The following CC2D2B variants were observed in gnomAD, a reference collection of about 807,000 sequenced individuals.
The protein encoded by CC2D2B is coiled-coil and C2 domain containing 2B.
A neutral mutation model predicts 161.2 loss-of-function variants in CC2D2B; 128 were observed. The observed-to-expected ratio is 0.79, with a 90% CI of 0.69 to 0.92. The LOEUF is 0.92. Ranked by LOEUF, CC2D2B falls within the 40% of genes least tolerant of loss-of-function variation. CC2D2B has a pLI of 0.00. For synonymous variants in CC2D2B, 391 were observed against 449.8 expected (o/e 0.87, Z 1.65); for missense variants, 1,173 against 1,375.1 (o/e 0.85, Z 2.32).
At chr10:96,002,203 G>C (rs1219043628) in intron 24 of CC2D2B, among the ~76,000 whole-genome samples, 2 of 152,008 alleles carry the variant, frequency 1.3e-5, no homozygotes. Flanking sequence ...AGTGAAATAG[G>C]CCAAGAACAA....
chr10:95,971,581 GTTTA>G (rs2077134243), intron 15 of CC2D2B, among the ~76,000 whole-genome samples: 1 of 151,904 alleles, frequency 6.6e-6, no homozygotes, highest in Non-Finnish European at 1.5e-5. Context: ...CCCATAGCTT[GTTTA>G]ACTCATCCTT....
chr10:95,924,904 T>A, intron 5 of CC2D2B, 60 bp downstream of exon 5: 1 of 1,037,080 alleles, frequency 9.6e-7, no homozygotes, highest in Non-Finnish European at 1.5e-6. Flanking sequence ...ATAGTTTACA[T>A]AGCAAAACTT....
intron 16 of CC2D2B, among the ~76,000 whole-genome samples, chr10:95,972,470 C>T (rs117538075): frequency 0.019 from 2,835 of 152,192 alleles, 36 homozygotes; most frequent in Middle Eastern, 0.054. Context: ...CCTGCCACCA[C>T]GCCCATCTAA....
At chr10:95,925,891 G>A (rs2098537487) in intron 5 of CC2D2B, among the ~76,000 whole-genome samples, 1 of 152,154 alleles carries the variant, frequency 6.6e-6, no homozygotes, top group Non-Finnish European at 1.5e-5. Flanking sequence ...TCCACCAAAT[G>A]AATGTGGAAG....
intron 29 of CC2D2B, among the ~76,000 whole-genome samples, chr10:96,015,785 C>G (rs2079173101): frequency 6.6e-6 from 1 of 152,154 alleles, no homozygotes; most frequent in African/African-American, 2.4e-5. Context: ...TGGTACAGGA[C>G]AGAATGTAGC....
At chr10:95,982,885 C>G (rs556737956) in intron 18 of CC2D2B, among the ~76,000 whole-genome samples, 351 of 152,238 alleles carry the variant, frequency 2.3e-3, no homozygotes, top group Non-Finnish European at 4.0e-3. Context: ...AATTCTCTTG[C>G]CTCAGCCTCT....
chr10:95,949,649 G>C (rs1361858957), intron 9 of CC2D2B, among the ~76,000 whole-genome samples: 1 of 98,258 alleles, frequency 1.0e-5, no homozygotes, highest in South Asian at 2.9e-4. Flanking sequence ...CTAAAACTTA[G>C]AGTATAATAA....
At chr10:96,003,411 C>T (rs2078598017) in intron 24 of CC2D2B, among the ~76,000 whole-genome samples, 1 of 128,074 alleles carries the variant, frequency 7.8e-6, no homozygotes, top group Non-Finnish European at 1.7e-5. Flanking sequence ...GAATAAATTC[C>T]GTTATTTATT....
At chr10:95,998,331 T>C (rs2141734112) in intron 24 of CC2D2B, among the ~76,000 whole-genome samples, 1 of 152,300 alleles carries the variant, frequency 6.6e-6, no homozygotes, top group East Asian at 1.9e-4. Context: ...TCTATAGGTT[T>C]TGACAAATGT....
Position 95,936,729 on chromosome 10 carries a change from A to G in CC2D2B, c.337-1262A>G, listed in dbSNP as rs144980032. Among the ~76,000 whole-genome samples the G allele has an allele frequency of 8.4e-3, 1,285 of 152,262 alleles. 5 individuals are homozygous for G. Among genetic ancestry groups the G allele is most frequent in the Middle Eastern group, 0.017 (5 of 294 alleles). On this transcript the variant is annotated intron_variant, in intron 6 of 34. Transcript: ENST00000646931. Reference sequence around the variant, plus strand: ...TCACAGCTTGTCTCAAGCTAAAAATATAGGCAGATTGGGTAGGGCTTATAA... The same window carrying G: ...TCACAGCTTGTCTCAAGCTAAAAATGTAGGCAGATTGGGTAGGGCTTATAA...
intron 6 of CC2D2B, among the ~76,000 whole-genome samples, chr10:95,928,093 C>T (rs1036680613): frequency 1.3e-5 from 2 of 152,092 alleles, no homozygotes; most frequent in African/African-American, 4.8e-5. Flanking sequence ...CTCCAGATCC[C>T]TCAGGTCCCC....
chr10:95,992,781 C>G, intron 22 of CC2D2B, 84 bp downstream of exon 22: 3 of 924,414 alleles, frequency 3.2e-6, no homozygotes, highest in Non-Finnish European at 4.2e-6. Context: ...ATTTGTAAAC[C>G]TTTGCACTTT....
chr10:95,928,869 T>A (rs1418941157), intron 6 of CC2D2B, among the ~76,000 whole-genome samples: 1 of 152,160 alleles, frequency 6.6e-6, no homozygotes, highest in East Asian at 1.9e-4. Context: ...TAAACATACG[T>A]GTGCATGTGT....
intron 11 of CC2D2B, among the ~76,000 whole-genome samples, chr10:95,960,269 G>A (rs909173811): frequency 6.6e-6 from 1 of 152,164 alleles, no homozygotes; most frequent in African/African-American, 2.4e-5. Flanking sequence ...TCAGCTATGT[G>A]AGTGGATTGG....
intron 17 of CC2D2B, 128 bp from the exon 18 acceptor site, chr10:95,981,847 G>C (rs1453018264): frequency 4.5e-6 from 2 of 447,780 alleles, no homozygotes; most frequent in Non-Finnish European, 7.3e-6. Flanking sequence ...CATAAATACA[G>C]AGGATGGATA....
At chr10:95,939,459 T>C (rs941917393) in intron 9 of CC2D2B, among the ~76,000 whole-genome samples, 9 of 145,388 alleles carry the variant, frequency 6.2e-5, no homozygotes, top group African/African-American at 2.0e-4. Flanking sequence ...TTTGCACATC[T>C]TCTGATAACT....
At chr10:95,911,921 G>C (rs955592764) in intron 2 of CC2D2B, among the ~76,000 whole-genome samples, 4 of 152,272 alleles carry the variant, frequency 2.6e-5, no homozygotes, top group African/African-American at 9.6e-5. Flanking sequence ...TTATTGTCTT[G>C]AGGTAGGTAC....
At chr10:96,005,406 T>A (rs1320526027) in intron 25 of CC2D2B, among the ~76,000 whole-genome samples, 2 of 152,184 alleles carry the variant, frequency 1.3e-5, no homozygotes, top group African/African-American at 4.8e-5. Flanking sequence ...CCTTGCATTC[T>A]TGTCCTCCTC....
intron 16 of CC2D2B, among the ~76,000 whole-genome samples, chr10:95,972,529 G>A (rs953884541): frequency 2.3e-4 from 35 of 152,106 alleles, no homozygotes; most frequent in African/African-American, 8.2e-4. Flanking sequence ...AACCAGGCTG[G>A]TCTCAAACTC....
Sources: gnomAD v4.1 joint callset for allele counts (sites outside exome capture counted in the v4.1 genomes callset) on GRCh38, gnomAD v4.1.1 for gene constraint, MANE v1.5 for transcripts, NCBI Gene and HGNC (gene_info 2026-07-23, HGNC 2026-07-21) for gene names.